Variants in EBF1 observed in about 807,000 individuals in gnomAD.
The protein encoded by EBF1 is transcription factor COE1.
Under a neutral mutation model 68.4 loss-of-function variants are expected in EBF1, and 10 were observed. That is an observed-to-expected ratio of 0.15 (90% CI 0.09 to 0.25). The LOEUF (loss-of-function observed/expected upper bound fraction) is 0.25, where lower values mean the gene tolerates loss of function less well. Ranked by LOEUF, EBF1 falls within the 10% of genes least tolerant of loss-of-function variation. The pLI, the probability that EBF1 is intolerant of heterozygous loss-of-function variation, is 1.00. For missense variants in EBF1, 509 were observed against 794.4 expected, an observed-to-expected ratio of 0.64 and a Z score of 4.32; for synonymous variants, 298 against 299.8, an observed-to-expected ratio of 0.99 and a Z score of 0.06.
chr5:159,080,343 G>T (rs1243601332), intron 5 of EBF1, among the ~76,000 whole-genome samples: 1 of 152,116 alleles, frequency 6.6e-6, no homozygotes, highest in Non-Finnish European at 1.5e-5. Context: ...TTTCTAGAGT[G>T]CAGTCTCGTT....
chr5:158,894,620 C>T (rs1337750163), intron 6 of EBF1, among the ~76,000 whole-genome samples: 1 of 152,166 alleles, frequency 6.6e-6, no homozygotes, highest in Non-Finnish European at 1.5e-5. Context: ...CGTTGTTTTA[C>T]AGGCAAGATT....
chr5:159,097,497 G>C (rs571713750), intron 1 of EBF1: 22 of 298,040 alleles, frequency 7.4e-5, no homozygotes, highest in Non-Finnish European at 1.1e-4. Flanking sequence ...TCGCGGAGTA[G>C]AACCCACAGT....
intron 6 of EBF1, among the ~76,000 whole-genome samples, chr5:159,024,326 G>A (rs1767294133): frequency 6.6e-6 from 1 of 152,198 alleles, no homozygotes; most frequent in African/African-American, 2.4e-5. Flanking sequence ...ACTATAAAGT[G>A]ATAGGCTGAT....
intron 6 of EBF1, among the ~76,000 whole-genome samples, chr5:158,876,634 T>G (rs1797859228): frequency 6.6e-6 from 1 of 152,198 alleles, no homozygotes. Context: ...ATTATTCAGT[T>G]TAAGAAGTTC....
intron 6 of EBF1, among the ~76,000 whole-genome samples, chr5:158,943,389 G>A (rs1813912648): frequency 1.3e-5 from 2 of 151,932 alleles, no homozygotes; most frequent in African/African-American, 4.8e-5. Flanking sequence ...AGGCTCTGAG[G>A]ACACAAGAGA....
intron 8 of EBF1, among the ~76,000 whole-genome samples, chr5:158,798,514 G>C (rs767351880): frequency 1.8e-4 from 27 of 152,082 alleles, no homozygotes; most frequent in Non-Finnish European, 3.7e-4. Context: ...CTGTGTCTTT[G>C]AGAAACCCTC....
intron 6 of EBF1, among the ~76,000 whole-genome samples, chr5:159,051,410 C>T (rs927257394): frequency 2.3e-5 from 3 of 131,016 alleles, no homozygotes; most frequent in African/African-American, 5.7e-5. Flanking sequence ...CATTCCCTCC[C>T]CCTCCCCCCC....
At chr5:158,930,120 C>T (rs910629835) in intron 6 of EBF1, among the ~76,000 whole-genome samples, 1 of 151,672 alleles carries the variant, frequency 6.6e-6, no homozygotes, top group African/African-American at 2.4e-5. Flanking sequence ...AAGCATTGTA[C>T]TTTTGAGTGT....
At chr5:158,941,934 G>T (rs1415912644) in intron 6 of EBF1, among the ~76,000 whole-genome samples, 1 of 152,176 alleles carries the variant, frequency 6.6e-6, no homozygotes. Context: ...AAAAGCCTTG[G>T]TATAGTTGTG....
rs574965305 is a variant in EBF1, at chr5:158,956,447, A to AT, written c.555-116338dup. Among the ~76,000 whole-genome samples the AT allele has an allele frequency of 2.2e-4, 33 of 152,026 alleles. 1 individual carries two copies. In the South Asian group the frequency reaches 6.6e-3, roughly 31 times the overall value. On this transcript the variant is annotated intron_variant, in intron 6 of 15. Coordinates refer to ENST00000313708, the MANE Select transcript of EBF1 (RefSeq NM_024007.5). ...GCTTAATTGCAGGATGTACCTTAGAATGCACGCACACATAGACACACACAC... is the reference window on the plus strand; with the variant it reads ...GCTTAATTGCAGGATGTACCTTAGAATTGCACGCACACATAGACACACACAC...
At chr5:158,795,002 C>T (rs895890363) in intron 9 of EBF1, among the ~76,000 whole-genome samples, 2 of 152,180 alleles carry the variant, frequency 1.3e-5, no homozygotes, top group Admixed American at 1.3e-4. Context: ...CGACCAAATG[C>T]ATACCCCTTG....
At chr5:158,855,856 C>T (rs1010281787) in intron 6 of EBF1, among the ~76,000 whole-genome samples, 3 of 152,206 alleles carry the variant, frequency 2.0e-5, no homozygotes, top group Non-Finnish European at 4.4e-5. Flanking sequence ...CTTAAGGACC[C>T]ACCTGCTGAA....
chr5:158,978,835 C>G (rs6420102), intron 6 of EBF1, among the ~76,000 whole-genome samples: 112,539 of 146,972 alleles, frequency 0.77, 44,129 homozygotes, highest in Non-Finnish European at 0.85. Context: ...CACACACACA[C>G]AGAGAGAGAG....
At chr5:158,988,161 A>G (rs1033582617) in intron 6 of EBF1, among the ~76,000 whole-genome samples, 5 of 152,212 alleles carry the variant, frequency 3.3e-5, no homozygotes, top group African/African-American at 1.2e-4. Flanking sequence ...GACGGAAGAA[A>G]CTATGAGCCA....
intron 6 of EBF1, among the ~76,000 whole-genome samples, chr5:159,062,523 A>G (rs1407743292): frequency 1.3e-5 from 2 of 152,174 alleles, no homozygotes; most frequent in Non-Finnish European, 2.9e-5. Context: ...TAACCCTTCA[A>G]TCTCCAGAGT....
At chr5:158,745,692 GT>G (rs1767411597) in intron 10 of EBF1, among the ~76,000 whole-genome samples, 1 of 152,192 alleles carries the variant, frequency 6.6e-6, no homozygotes, top group South Asian at 2.1e-4. Flanking sequence ...AAATTGCCAT[GT>G]GGATATAATT....
chr5:158,795,698 C>G (rs998862700), intron 9 of EBF1, among the ~76,000 whole-genome samples: 16 of 152,284 alleles, frequency 1.1e-4, no homozygotes, highest in African/African-American at 3.8e-4. Flanking sequence ...GGTTGCCAGA[C>G]AAGTCAACTG....
intron 6 of EBF1, among the ~76,000 whole-genome samples, chr5:158,882,509 G>A (rs1406167210): frequency 6.6e-6 from 1 of 152,204 alleles, no homozygotes; most frequent in Admixed American, 6.5e-5. Context: ...ACCCAAGCTA[G>A]AAAGATAGGT....
intron 6 of EBF1, among the ~76,000 whole-genome samples, chr5:159,002,797 G>A (rs1262368239): frequency 6.6e-6 from 1 of 152,078 alleles, no homozygotes; most frequent in African/African-American, 2.4e-5. Context: ...ATCACCTTTG[G>A]AAATCTGTAA....
Sources: allele counts gnomAD v4.1 joint callset (sites outside exome capture counted in the v4.1 genomes callset), GRCh38; gene constraint gnomAD v4.1.1; transcripts MANE v1.5; gene names NCBI Gene and HGNC (gene_info 2026-07-23, HGNC 2026-07-21).